The following UNC13C variants were observed in gnomAD, a reference collection of about 807,000 sequenced individuals.
UNC13C encodes protein unc-13 homolog C.
A neutral mutation model predicts 245.4 loss-of-function variants in UNC13C; 174 were observed. The observed-to-expected ratio is 0.71, with a 90% confidence interval of 0.63 to 0.80. The LOEUF is 0.80. Ranked by LOEUF, UNC13C falls within the 30% of genes least tolerant of loss-of-function variation. The pLI, the probability that UNC13C is intolerant of heterozygous loss-of-function variation, is 0.00. For synonymous variants in UNC13C, 992 were observed against 895.1 expected, an observed-to-expected ratio of 1.11 and a Z score of -1.93; for missense variants, 2,829 against 2,602.9, an observed-to-expected ratio of 1.09 and a Z score of -1.89.
At chr15:54,332,153 G>A (rs1489082859) in intron 15 of UNC13C, 42 bp downstream of exon 15, 2 of 1,370,490 alleles carry the variant, frequency 1.5e-6, no homozygotes, top group East Asian at 2.6e-5. Flanking sequence ...CTGTTGTTTG[G>A]TCTAGAGAAT....
At chr15:53,907,398 A>G in the UNC13C span, among the ~76,000 whole-genome samples, 1 of 152,316 alleles carries the variant, frequency 6.6e-6, no homozygotes, top group Admixed American at 6.5e-5. Context: ...AATATTTTTA[A>G]TACAAGTAAA....
intron 17 of UNC13C, among the ~76,000 whole-genome samples, chr15:54,364,424 G>A (rs1227539585): frequency 6.6e-6 from 1 of 152,162 alleles, no homozygotes; most frequent in African/African-American, 2.4e-5. Flanking sequence ...AAAGCTCAGA[G>A]ACATCAGAAT....
chr15:54,017,231 G>T (rs1450756083), intron 2 of UNC13C, among the ~76,000 whole-genome samples: 1 of 151,534 alleles, frequency 6.6e-6, no homozygotes, highest in African/African-American at 2.4e-5. Flanking sequence ...TGTTTTTTTT[G>T]CAGGGATGGG....
chr15:54,334,841 T>C (rs1158110870), intron 16 of UNC13C, among the ~76,000 whole-genome samples: 1 of 152,140 alleles, frequency 6.6e-6, no homozygotes, highest in Non-Finnish European at 1.5e-5. Context: ...GAGTGAGGAA[T>C]GGGAGTGAGG....
chr15:54,062,957 T>C (rs1300682636), intron 2 of UNC13C, among the ~76,000 whole-genome samples: 1 of 152,212 alleles, frequency 6.6e-6, no homozygotes, highest in African/African-American at 2.4e-5. Flanking sequence ...TGCTCATTGG[T>C]CTTGATTTAG....
chr15:54,213,165 G>A (rs1294119163), intron 4 of UNC13C, among the ~76,000 whole-genome samples: 2 of 151,878 alleles, frequency 1.3e-5, no homozygotes, highest in Non-Finnish European at 2.9e-5. Context: ...TGTTTTAAAA[G>A]ATGAATATTC....
chr15:54,454,518 C>T (rs1365186768), intron 19 of UNC13C, among the ~76,000 whole-genome samples: 1 of 150,596 alleles, frequency 6.6e-6, no homozygotes, highest in Non-Finnish European at 1.5e-5. Context: ...GTGGAGGTTG[C>T]AGTGAGCTGA....
chr15:54,002,311 A>G (rs1034309298), intron 1 of UNC13C, among the ~76,000 whole-genome samples: 2 of 152,128 alleles, frequency 1.3e-5, no homozygotes, highest in African/African-American at 4.8e-5. Flanking sequence ...AAAGAAAGAA[A>G]TTATTCAAAT....
At chr15:54,026,465 C>G (rs571684421) in intron 2 of UNC13C, among the ~76,000 whole-genome samples, 2 of 152,294 alleles carry the variant, frequency 1.3e-5, no homozygotes, top group African/African-American at 4.8e-5. Context: ...AACTTTGGGA[C>G]TGCGTCAAGG....
At chr15:54,592,598 G>A (rs547823416) in intron 30 of UNC13C, among the ~76,000 whole-genome samples, 152 of 152,024 alleles carry the variant, frequency 1.0e-3, no homozygotes, top group Middle Eastern at 3.4e-3. Context: ...TTGTTTTGTC[G>A]GATATAAGAA....
intron 7 of UNC13C, 102 bp downstream of exon 7, chr15:54,237,792 A>C: frequency 9.9e-7 from 1 of 1,011,390 alleles, no homozygotes. Flanking sequence ...GTTTAGTCCA[A>C]TGTTCCAGAA....
chr15:54,438,146 G>C (rs1251778911), intron 19 of UNC13C, among the ~76,000 whole-genome samples: 1 of 151,880 alleles, frequency 6.6e-6, no homozygotes, highest in Non-Finnish European at 1.5e-5. Flanking sequence ...CACATGTCTG[G>C]AACAGCTCAC....
intron 17 of UNC13C, among the ~76,000 whole-genome samples, chr15:54,359,325 C>A (rs2039173981): frequency 6.6e-6 from 1 of 151,442 alleles, no homozygotes; most frequent in Non-Finnish European, 1.5e-5. Flanking sequence ...CATTGTAATG[C>A]TGACTTTATA....
At chr15:54,205,953 A>C (rs1053099268) in intron 4 of UNC13C, among the ~76,000 whole-genome samples, 1 of 152,036 alleles carries the variant, frequency 6.6e-6, no homozygotes, top group Non-Finnish European at 1.5e-5. Flanking sequence ...ATCTAAGCAC[A>C]CATTTCTCTA....
chr15:53,971,302 A>G, the UNC13C span, among the ~76,000 whole-genome samples: 1 of 152,232 alleles, frequency 6.6e-6, no homozygotes, highest in African/African-American at 2.4e-5. Flanking sequence ...ATTAACTAAA[A>G]AATGGATTAT....
At chr15:54,449,534 A>G (rs555217883) in intron 19 of UNC13C, among the ~76,000 whole-genome samples, 3 of 152,248 alleles carry the variant, frequency 2.0e-5, no homozygotes, top group South Asian at 2.1e-4. Flanking sequence ...TTGATATTCA[A>G]TCACTGATAC....
In UNC13C at chr15:54,124,082, T is replaced by C. The variant is rs138365418; in HGVS notation, c.2984-18936T>C. On this transcript the variant is annotated intron_variant, in intron 2 of 32. Transcript: ENST00000260323. Reference sequence around the variant, plus strand: ...CCTATGACATGGATGTGCCACAGTTTGTTTAACTATTGATCTGTTAATGAA... The same window carrying C: ...CCTATGACATGGATGTGCCACAGTTCGTTTAACTATTGATCTGTTAATGAA... 6.5e-3 allele frequency among the ~76,000 whole-genome samples: 983 copies of C among 152,332 alleles called. 1 individual carries two copies. Among genetic ancestry groups the C allele is most frequent in the Non-Finnish European group, 9.5e-3 (644 of 68,012 alleles).
intron 30 of UNC13C, among the ~76,000 whole-genome samples, chr15:54,580,745 G>A (rs574842284): frequency 2.6e-4 from 40 of 152,198 alleles, no homozygotes; most frequent in Admixed American, 2.2e-3. Context: ...TGACTCTTTC[G>A]TTTACAAAAC....
chr15:54,338,312 A>C (rs759865931), intron 16 of UNC13C, 49 bp from the exon 17 acceptor site: 1 of 1,584,752 alleles, frequency 6.3e-7, no homozygotes, highest in South Asian at 1.2e-5. Flanking sequence ...ATACTAGATT[A>C]CAATGTGTCA....
Sources: allele counts gnomAD v4.1 joint callset (sites outside exome capture counted in the v4.1 genomes callset), GRCh38; gene constraint gnomAD v4.1.1; transcripts MANE v1.5; gene names NCBI Gene and HGNC (gene_info 2026-07-23, HGNC 2026-07-21).